Variants in RXFP1 observed in about 807,000 individuals in gnomAD.
RXFP1 encodes the protein relaxin family peptide receptor 1, also known as relaxin receptor 1.
Under a neutral mutation model 89.8 loss-of-function variants are expected in RXFP1, and 73 were observed. The observed-to-expected ratio is 0.81, with a 90% confidence interval of 0.67 to 0.99. The LOEUF (loss-of-function observed/expected upper bound fraction) is 0.99, where lower values mean the gene tolerates loss of function less well. RXFP1 is among the 50% of genes least tolerant of loss of function. The pLI is 0.00. For missense variants in RXFP1, 793 were observed against 895.5 expected, an observed-to-expected ratio of 0.89 and a Z score of 1.46; for synonymous variants, 277 against 305.5, an observed-to-expected ratio of 0.91 and a Z score of 0.97.
chr4:158,528,624 A>C (rs1743205661), intron 1 of RXFP1, among the ~76,000 whole-genome samples: 1 of 152,192 alleles, frequency 6.6e-6, no homozygotes, highest in Non-Finnish European at 1.5e-5. Context: ...ATCTCTAAAG[A>C]TGCAGCCCTT....
At chr4:158,543,630 A>T (rs1747410444) in intron 1 of RXFP1, 2 of 392,932 alleles carry the variant, frequency 5.1e-6, no homozygotes, top group South Asian at 2.1e-4. Flanking sequence ...GAGCCCTCCC[A>T]GTCAGTATTT....
At chr4:158,562,583 A>G (rs1579629583) in intron 1 of RXFP1, among the ~76,000 whole-genome samples, 1 of 148,080 alleles carries the variant, frequency 6.8e-6, no homozygotes, top group Admixed American at 6.8e-5. Flanking sequence ...GAATTTTATC[A>G]TAACAGATCA....
intron 1 of RXFP1, among the ~76,000 whole-genome samples, chr4:158,545,979 C>T (rs1748258014): frequency 6.6e-6 from 1 of 152,100 alleles, no homozygotes; most frequent in African/African-American, 2.4e-5. Flanking sequence ...TTTTCCAATT[C>T]TGTGAAGAAA....
rs879357118 is a variant in RXFP1 at position 158,554,718 on chromosome 4, TA to T, written c.50-17968del. Reference sequence around the variant, plus strand: ...ACTTTTGAGACTGGGGGCAATGATGTAAAAAAAAAAAATAGGTGTATTGAAT... The same window carrying T: ...ACTTTTGAGACTGGGGGCAATGATGTAAAAAAAAAAATAGGTGTATTGAAT... On this transcript the variant is annotated intron_variant, in intron 1 of 17. Transcript: ENST00000307765. Among the ~76,000 whole-genome samples the T allele has an allele frequency of 4.9e-3, 713 of 144,284 alleles. 4 individuals are homozygous for T. The highest frequency in any genetic ancestry group is 7.1e-3 in the Middle Eastern group (2 of 280). The allele number at this position is 144,284 out of a possible 152,430, so 94.7% of individuals were successfully genotyped here.
At chr4:158,544,522 A>C (rs1560978595) in intron 1 of RXFP1, 1 of 210,920 alleles carries the variant, frequency 4.7e-6, no homozygotes, top group South Asian at 1.7e-4. Flanking sequence ...ATATGTATAC[A>C]TGTGCCATGT....
intron 1 of RXFP1, among the ~76,000 whole-genome samples, chr4:158,547,102 T>C (rs1481900355): frequency 6.6e-6 from 1 of 152,232 alleles, no homozygotes; most frequent in Non-Finnish European, 1.5e-5. Flanking sequence ...GTTGGTAAGC[T>C]ATTGATTATT....
At chr4:158,522,341 A>T (rs1741386429) in intron 1 of RXFP1, among the ~76,000 whole-genome samples, 1 of 152,232 alleles carries the variant, frequency 6.6e-6, no homozygotes, top group Non-Finnish European at 1.5e-5. Context: ...ACTGTATTCA[A>T]GGAATATATT....
At chr4:158,644,097 A>G (rs1427667240) in intron 14 of RXFP1, among the ~76,000 whole-genome samples, 3 of 130,830 alleles carry the variant, frequency 2.3e-5, no homozygotes. Context: ...CCCAGGCTGG[A>G]GTGCAGTGGC....
Position 158,569,991 on chromosome 4 carries a change from G to A in RXFP1, c.50-2707G>A, listed in dbSNP as rs73860528. Among the ~76,000 whole-genome samples the A allele has an allele frequency of 4.1e-3, 623 of 152,266 alleles. 7 individuals carry two copies. The highest frequency in any genetic ancestry group is 0.014 in the African/African-American group (596 of 41,558). On this transcript the variant is annotated intron_variant, in intron 1 of 17. Coordinates refer to ENST00000307765, the MANE Select transcript of RXFP1 (RefSeq NM_021634.4). ...TATAGTGCTCTTCATTCTATTAAAT[G>A]TTTATTTGTAGGGGTATAAATATAG... is the stretch of plus-strand genomic sequence containing the variant.
rs145372828 is a variant in RXFP1 at position 158,556,853 on chromosome 4, G to A, written c.50-15845G>A. ...ACAGAAAGACAAATTCTGCATGATC[G>A]CATTCATATGTGAAATATTTTAAAA... On this transcript the variant is annotated intron_variant, in intron 1 of 17. Coordinates refer to ENST00000307765, the MANE Select transcript of RXFP1 (RefSeq NM_021634.4). Among the ~76,000 whole-genome samples the A allele has an allele frequency of 8.5e-5, 13 of 152,198 alleles. No individual in the cohort carries two copies. In the East Asian group the frequency reaches 9.6e-4, roughly 11 times the overall value.
chr4:158,597,800 C>T (rs956762420), intron 3 of RXFP1, among the ~76,000 whole-genome samples: 1 of 152,130 alleles, frequency 6.6e-6, no homozygotes, highest in Admixed American at 6.6e-5. Flanking sequence ...CCTTCCCAAC[C>T]TTTTCCATCC....
In RXFP1 at chr4:158,646,828, C is replaced by A. The variant is rs1310650031; in HGVS notation, c.1383C>A (p.Ile461=). 2 of 1,613,432 alleles carry A rather than the reference C, an allele frequency of 1.2e-6. No homozygotes were observed. Among genetic ancestry groups the A allele is most frequent in the Admixed American group, 1.7e-5 (1 of 59,944 alleles). The change falls in exon 16 of 18, where the codon ATC becomes ATA. Residue 461 remains isoleucine (I), a synonymous_variant. Transcript: ENST00000307765. ...DCLMGIYLFV[I]GGFDLKFRGE... ...TAATGGGAATATATTTATTCGTGAT[C>A]GGAGGCTTTGACCTAAAGTTTCGTG...
At chr4:158,583,310 A>G (rs1757716867) in intron 2 of RXFP1, among the ~76,000 whole-genome samples, 1 of 152,238 alleles carries the variant, frequency 6.6e-6, no homozygotes, top group Non-Finnish European at 1.5e-5. Context: ...TTTCCCAAGT[A>G]CAACTTACTA....
intron 6 of RXFP1, among the ~76,000 whole-genome samples, chr4:158,608,817 GGCAA>G (rs1488330745): frequency 6.6e-6 from 1 of 151,990 alleles, no homozygotes; most frequent in African/African-American, 2.4e-5. Flanking sequence ...CCCAGCCCCT[GGCAA>G]CCATCATTCT....
chr4:158,607,894 C>T, intron 5 of RXFP1, 78 bp from the exon 6 acceptor site: 1 of 873,008 alleles, frequency 1.1e-6, no homozygotes, highest in Admixed American at 2.0e-5. Context: ...CACCATCATC[C>T]ATCCACAGAA....
chr4:158,544,039 T>C, intron 1 of RXFP1: 1 of 985,220 alleles, frequency 1.0e-6, no homozygotes, highest in Non-Finnish European at 1.2e-6. Flanking sequence ...TGAGATCGGA[T>C]CAATTCAGCT....
intron 6 of RXFP1, among the ~76,000 whole-genome samples, chr4:158,608,772 T>C (rs940544198): frequency 6.6e-6 from 1 of 152,130 alleles, no homozygotes; most frequent in Non-Finnish European, 1.5e-5. Flanking sequence ...TGAATAATAA[T>C]TCCTCATATC....
intron 11 of RXFP1, among the ~76,000 whole-genome samples, chr4:158,629,789 C>T (rs1767678170): frequency 6.6e-6 from 1 of 151,796 alleles, no homozygotes; most frequent in South Asian, 2.1e-4. Flanking sequence ...CATGCCCAGC[C>T]AATTTTTTTT....
intron 1 of RXFP1, 150 bp from the exon 2 acceptor site, chr4:158,572,548 A>C: frequency 1.4e-6 from 1 of 717,436 alleles, no homozygotes; most frequent in South Asian, 1.7e-5. Flanking sequence ...TAAGAGGTGA[A>C]GGTTCCTAGA....
Sources: allele counts gnomAD v4.1 joint callset (sites outside exome capture counted in the v4.1 genomes callset), GRCh38; gene constraint gnomAD v4.1.1; transcripts MANE v1.5; gene names NCBI Gene and HGNC (gene_info 2026-07-23, HGNC 2026-07-21).